Variants in CSMD1 observed in about 807,000 individuals in gnomAD.
CSMD1 encodes the protein CUB and Sushi multiple domains 1, also known as CUB and sushi domain-containing protein 1.
In CSMD1, 213 loss-of-function variants were observed where a neutral mutation model predicts 417.5. The ratio of observed to expected loss-of-function variants is 0.51; its 90% CI spans 0.46 to 0.57. The LOEUF is 0.57. Ranked by LOEUF, CSMD1 falls within the 20% of genes least tolerant of loss-of-function variation. The pLI is 0.00. For synonymous variants in CSMD1, 2,862 were observed against 1,736.8 expected, an observed-to-expected ratio of 1.65 and a Z score of -16.11; for missense variants, 6,923 against 4,529.7, an observed-to-expected ratio of 1.53 and a Z score of -15.17.
chr8:3,041,543 G>C (rs1005100406), intron 50 of CSMD1, among the ~76,000 whole-genome samples: 1 of 152,066 alleles, frequency 6.6e-6, no homozygotes, highest in Non-Finnish European at 1.5e-5. Flanking sequence ...TGTAAGTGTT[G>C]GCTGTGTAGA....
At chr8:3,920,310 T>C (rs1460207399) in intron 5 of CSMD1, among the ~76,000 whole-genome samples, 1 of 152,030 alleles carries the variant, frequency 6.6e-6, no homozygotes, top group East Asian at 1.9e-4. Flanking sequence ...GCTGAGATTA[T>C]AGGAGTGAGC....
At chr8:4,415,523 C>T (rs972803951) in intron 3 of CSMD1, among the ~76,000 whole-genome samples, 9 of 152,164 alleles carry the variant, frequency 5.9e-5, no homozygotes, top group South Asian at 2.1e-4. Context: ...CTTGCTCTTC[C>T]GCCCTGTTTT....
chr8:3,859,365 A>T (rs1043577344), intron 5 of CSMD1, among the ~76,000 whole-genome samples: 1 of 152,212 alleles, frequency 6.6e-6, no homozygotes, highest in Admixed American at 6.6e-5. Flanking sequence ...TAGGTCCAGA[A>T]ATACTTCTTT....
At position 3,406,234 on chromosome 8, in the gene CSMD1, G is replaced by C. The variant is rs1363315291; in HGVS notation, c.2072-13C>G. 2 of 1,557,810 alleles carry C rather than the reference G, an allele frequency of 1.3e-6. No homozygotes were observed. The highest frequency in any genetic ancestry group is 2.3e-5 in the East Asian group (1 of 42,608). On this transcript the variant is annotated splice_polypyrimidine_tract_variant and intron_variant, in intron 14 of 69. Transcript: ENST00000635120. ...TTCTGACCAAATGCTGAAAGAAAAA[G>C]AAGAAGAAAAAAGGAATAAAAATAC... is the stretch of plus-strand genomic sequence containing the variant.
intron 4 of CSMD1, among the ~76,000 whole-genome samples, chr8:4,020,450 G>C (rs1047041709): frequency 6.6e-6 from 1 of 152,184 alleles, no homozygotes; most frequent in East Asian, 1.9e-4. Context: ...TGATATTATA[G>C]GATAGGGCTT....
At chr8:3,390,413 A>T (rs1183171649) in intron 17 of CSMD1, among the ~76,000 whole-genome samples, 1 of 151,012 alleles carries the variant, frequency 6.6e-6, no homozygotes, top group Non-Finnish European at 1.5e-5. Context: ...TCTCCAATGG[A>T]ACAATACATT....
At chr8:3,554,502 G>A (rs559719043) in intron 10 of CSMD1, among the ~76,000 whole-genome samples, 2 of 152,162 alleles carry the variant, frequency 1.3e-5, no homozygotes, top group Non-Finnish European at 2.9e-5. Context: ...AGGGAAGCAA[G>A]GCCACATAAA....
intron 3 of CSMD1, among the ~76,000 whole-genome samples, chr8:4,058,176 T>G (rs1471902661): frequency 1.3e-5 from 2 of 152,142 alleles, no homozygotes; most frequent in African/African-American, 4.8e-5. Flanking sequence ...GCATGGAATG[T>G]TCTTCCATTT....
intron 47 of CSMD1, among the ~76,000 whole-genome samples, chr8:3,092,659 A>C (rs1304714538): frequency 6.6e-6 from 1 of 152,226 alleles, no homozygotes; most frequent in Non-Finnish European, 1.5e-5. Context: ...TGAGACAACA[A>C]AGTTAACATT....
In CSMD1 at chr8:4,159,354, T is replaced by C. The variant is rs77905695; in HGVS notation, c.416-127255A>G. 6.7e-3 allele frequency among the ~76,000 whole-genome samples: 1,026 copies of C among 152,326 alleles called. 28 individuals are homozygous for C. The highest frequency in any genetic ancestry group is 0.052 in the Admixed American group (790 of 15,298). On this transcript the variant is annotated intron_variant, in intron 3 of 69. Transcript: ENST00000635120. ...AGTACTCAAATGGAGGAAATATTTT[T>C]ATTTGTGATTCAGTAATCCCACTAT...
intron 2 of CSMD1, among the ~76,000 whole-genome samples, chr8:4,619,183 T>G (rs1431865229): frequency 6.6e-6 from 1 of 152,152 alleles, no homozygotes; most frequent in Non-Finnish European, 1.5e-5. Flanking sequence ...TTAAGGGTGG[T>G]GGGCAGAATG....
chr8:3,404,359 G>T (rs974981664), intron 15 of CSMD1, among the ~76,000 whole-genome samples: 14 of 148,024 alleles, frequency 9.5e-5, no homozygotes, highest in Non-Finnish European at 1.5e-5. Context: ...AAAAAAAATT[G>T]CGTTTCTACT....
intron 44 of CSMD1, among the ~76,000 whole-genome samples, chr8:3,108,080 G>C (rs558091553): frequency 1.3e-5 from 2 of 152,308 alleles, no homozygotes; most frequent in African/African-American, 4.8e-5. Context: ...AATTCTGCAA[G>C]AATGACTCAA....
intron 2 of CSMD1, among the ~76,000 whole-genome samples, chr8:4,464,912 T>C (rs9644367): frequency 0.16 from 23,874 of 152,120 alleles, 2,332 homozygotes; most frequent in South Asian, 0.26. Flanking sequence ...AGCCTCTCCA[T>C]TGGGGCTGAG....
At chr8:4,967,233 C>G (rs1037940133) in intron 1 of CSMD1, among the ~76,000 whole-genome samples, 2 of 152,138 alleles carry the variant, frequency 1.3e-5, no homozygotes, top group Non-Finnish European at 1.5e-5. Flanking sequence ...AGTAAAAAAT[C>G]AAAGTTGGAT....
intron 7 of CSMD1, among the ~76,000 whole-genome samples, chr8:3,655,877 G>C (rs764704385): frequency 1.3e-5 from 2 of 152,116 alleles, no homozygotes; most frequent in African/African-American, 2.4e-5. Context: ...TCTTTGGAAA[G>C]AATAGAACAT....
At chr8:3,879,214 G>A (rs1372945955) in intron 5 of CSMD1, among the ~76,000 whole-genome samples, 1 of 151,936 alleles carries the variant, frequency 6.6e-6, no homozygotes, top group Non-Finnish European at 1.5e-5. Flanking sequence ...AAATATACAG[G>A]TATGTATTTA....
At chr8:4,727,549 G>C (rs969275943) in intron 1 of CSMD1, among the ~76,000 whole-genome samples, 5 of 152,078 alleles carry the variant, frequency 3.3e-5, no homozygotes, top group Admixed American at 6.6e-5. Context: ...AAGAAAAATG[G>C]TGCAGAACTC....
At chr8:4,608,846 T>C (rs975579498) in intron 2 of CSMD1, among the ~76,000 whole-genome samples, 8 of 152,154 alleles carry the variant, frequency 5.3e-5, no homozygotes, top group African/African-American at 1.9e-4. Flanking sequence ...AGAGATTGCT[T>C]TCTATAGAAC....
Sources: gnomAD v4.1 joint callset for allele counts (sites outside exome capture counted in the v4.1 genomes callset) on GRCh38, gnomAD v4.1.1 for gene constraint, MANE v1.5 for transcripts, NCBI Gene and HGNC (gene_info 2026-07-23, HGNC 2026-07-21) for gene names.